Variants in TMEM132D observed in about 807,000 individuals in gnomAD.
TMEM132D encodes the protein mature OL transmembrane protein.
A neutral mutation model predicts 62.3 loss-of-function variants in TMEM132D; 21 were observed. The ratio of observed to expected loss-of-function variants is 0.34; its 90% confidence interval spans 0.24 to 0.49. TMEM132D has a LOEUF of 0.49. TMEM132D is among the 20% of genes least tolerant of loss of function. TMEM132D has a pLI of 0.99. For synonymous variants in TMEM132D, 621 were observed against 575.6 expected, an observed-to-expected ratio of 1.08 and a Z score of -1.13; for missense variants, 1,346 against 1,402.8, an observed-to-expected ratio of 0.96 and a Z score of 0.65.
intron 3 of TMEM132D, among the ~76,000 whole-genome samples, chr12:129,359,956 T>C (rs1191289745): frequency 6.8e-6 from 1 of 147,570 alleles, no homozygotes. Context: ...CAGGAAAAAA[T>C]AGGCCAAGCT....
At chr12:129,687,805 C>T (rs1880968868) in intron 2 of TMEM132D, among the ~76,000 whole-genome samples, 1 of 152,116 alleles carries the variant, frequency 6.6e-6, no homozygotes, top group South Asian at 2.1e-4. Flanking sequence ...TCTCTGGAAC[C>T]CCCAAGAGCC....
At chr12:129,345,523 A>G (rs1156428244) in intron 3 of TMEM132D, among the ~76,000 whole-genome samples, 6 of 152,316 alleles carry the variant, frequency 3.9e-5, no homozygotes, top group African/African-American at 1.4e-4. Context: ...ATTATTTGGA[A>G]AAGCAAGAGA....
intron 4 of TMEM132D, among the ~76,000 whole-genome samples, chr12:129,229,217 C>G (rs1322139845): frequency 6.6e-6 from 1 of 152,176 alleles, no homozygotes; most frequent in Non-Finnish European, 1.5e-5. Context: ...AAATAACAAG[C>G]TACTCTTTGT....
chr12:129,501,392 C>T (rs553377290), intron 3 of TMEM132D, among the ~76,000 whole-genome samples: 8 of 152,262 alleles, frequency 5.3e-5, no homozygotes, highest in South Asian at 2.1e-4. Flanking sequence ...CTGATTCTAT[C>T]GCAGAGATGT....
At chr12:129,252,742 G>A (rs1001800706) in intron 4 of TMEM132D, among the ~76,000 whole-genome samples, 3 of 152,066 alleles carry the variant, frequency 2.0e-5, no homozygotes, top group Non-Finnish European at 4.4e-5. Flanking sequence ...ACATGCACAC[G>A]TATGTTTATA....
chr12:129,203,714 C>A (rs2135562668), intron 5 of TMEM132D, among the ~76,000 whole-genome samples: 1 of 152,354 alleles, frequency 6.6e-6, no homozygotes, highest in South Asian at 2.1e-4. Context: ...AGAGAGCTTC[C>A]AACACAGCAG....
At chr12:129,228,208 G>A (rs1879535841) in intron 4 of TMEM132D, among the ~76,000 whole-genome samples, 1 of 152,156 alleles carries the variant, frequency 6.6e-6, no homozygotes, top group Non-Finnish European at 1.5e-5. Flanking sequence ...GAGTTTAGCG[G>A]GATGAGTCCA....
intron 4 of TMEM132D, among the ~76,000 whole-genome samples, chr12:129,326,931 G>A (rs1404311018): frequency 1.3e-5 from 2 of 152,106 alleles, no homozygotes; most frequent in Non-Finnish European, 2.9e-5. Flanking sequence ...GAACAGCACC[G>A]TAAGTCATAA....
intron 3 of TMEM132D, among the ~76,000 whole-genome samples, chr12:129,505,040 T>G (rs1267298191): frequency 1.3e-5 from 2 of 152,202 alleles, no homozygotes; most frequent in African/African-American, 4.8e-5. Context: ...TCTTTTGGAG[T>G]TGATTTCCAG....
chr12:129,622,027 G>A (rs925513253), intron 2 of TMEM132D, among the ~76,000 whole-genome samples: 3 of 152,184 alleles, frequency 2.0e-5, no homozygotes, highest in African/African-American at 4.8e-5. Context: ...ACCCTCAAGT[G>A]TTACCCAGTC....
Position 129,505,534 on chromosome 12 carries a change from C to T in TMEM132D, c.1115+25525G>A, listed in dbSNP as rs570521096. Among the ~76,000 whole-genome samples, 11 of 152,292 alleles carry T rather than the reference C, an allele frequency of 7.2e-5. No homozygotes were observed. The South Asian group carries it at 2.1e-3, about 29-fold the overall frequency. On this transcript the variant is annotated intron_variant, in intron 3 of 8. Coordinates refer to ENST00000422113, the MANE Select transcript of TMEM132D (RefSeq NM_133448.3). ...CTGGGATTACAGGCATGAGCCACCA[C>T]GCCTGGCCTGTTCCAAGGTATAGTT... is the stretch of plus-strand genomic sequence containing the variant.
chr12:129,535,024 C>T (rs999727195), intron 2 of TMEM132D, among the ~76,000 whole-genome samples: 2 of 152,192 alleles, frequency 1.3e-5, no homozygotes, highest in Admixed American at 1.3e-4. Context: ...ACTTCAAGAA[C>T]AAGGAAGTGT....
chr12:129,076,578 C>A (rs1874264260), intron 8 of TMEM132D, among the ~76,000 whole-genome samples: 1 of 152,262 alleles, frequency 6.6e-6, no homozygotes, highest in Non-Finnish European at 1.5e-5. Flanking sequence ...CTGGCTTGGA[C>A]TACCTGCTAA....
chr12:129,183,700 C>A (rs141360594), intron 5 of TMEM132D, among the ~76,000 whole-genome samples: 2 of 152,350 alleles, frequency 1.3e-5, no homozygotes, highest in Non-Finnish European at 2.9e-5. Flanking sequence ...TAGAACTGGG[C>A]CAGTGTCTTG....
chr12:129,340,311 CT>C (rs201953960), intron 3 of TMEM132D, among the ~76,000 whole-genome samples: 3,670 of 151,304 alleles, frequency 0.024, 80 homozygotes, highest in African/African-American at 0.05. Flanking sequence ...AATTCTTTTT[CT>C]TTTTTTTTAT....
chr12:129,351,493 A>G (rs541747671), intron 3 of TMEM132D, among the ~76,000 whole-genome samples: 2 of 152,320 alleles, frequency 1.3e-5, no homozygotes, highest in South Asian at 4.1e-4. Flanking sequence ...GGCTTTGGAC[A>G]TTTTAACAGC....
At position 129,719,432 on chromosome 12, in the gene TMEM132D, C is replaced by A. The variant is rs139051691; in HGVS notation, c.80-18734G>T. On this transcript the variant is annotated intron_variant, in intron 1 of 8. Transcript: ENST00000422113. ...TAAATACAACAGAACTAGAGGCATACTGTGCTTGTACAGCACAATAAGAAA... is the reference window on the plus strand; with the variant it reads ...TAAATACAACAGAACTAGAGGCATAATGTGCTTGTACAGCACAATAAGAAA... Among the ~76,000 whole-genome samples, 511 of 152,340 alleles carry A rather than the reference C, an allele frequency of 3.4e-3. 13 individuals carry two copies. Among genetic ancestry groups the A allele is most frequent in the Admixed American group, 0.026 (393 of 15,300 alleles).
intron 1 of TMEM132D, among the ~76,000 whole-genome samples, chr12:129,747,336 C>T (rs1451307196): frequency 6.6e-6 from 1 of 152,060 alleles, no homozygotes; most frequent in Admixed American, 6.6e-5. Context: ...CTAAAGTCTC[C>T]TTCAGGACAT....
At chr12:129,388,734 A>G (rs1210657064) in intron 3 of TMEM132D, among the ~76,000 whole-genome samples, 1 of 127,964 alleles carries the variant, frequency 7.8e-6, no homozygotes, top group East Asian at 2.0e-4. Flanking sequence ...TCATCCTAAT[A>G]TAAACACTAA....
Sources: gnomAD v4.1 joint callset for allele counts (sites outside exome capture counted in the v4.1 genomes callset) on GRCh38, gnomAD v4.1.1 for gene constraint, MANE v1.5 for transcripts, NCBI Gene and HGNC (gene_info 2026-07-23, HGNC 2026-07-21) for gene names.